HMGCLL1: variants seen among roughly 807,000 people sequenced by gnomAD.
HMGCLL1 encodes 3-hydroxymethyl-3-methylglutaryl-CoA lyase, cytoplasmic.
A neutral mutation model predicts 39.1 loss-of-function variants in HMGCLL1; 36 were observed. The observed-to-expected ratio is 0.92, with a 90% CI of 0.71 to 1.22. The LOEUF (loss-of-function observed/expected upper bound fraction) is 1.22, where lower values mean the gene tolerates loss of function less well. HMGCLL1 is among the 50% of genes most tolerant of loss of function. HMGCLL1 has a pLI of 0.00. For missense variants in HMGCLL1, 451 were observed against 416.5 expected, an observed-to-expected ratio of 1.08 and a Z score of -0.72; for synonymous variants, 149 against 144.0, an observed-to-expected ratio of 1.03 and a Z score of -0.25.
chr6:55,563,924 G>A, intron 1 of HMGCLL1: 1 of 1,257,144 alleles, frequency 8.0e-7, no homozygotes, highest in Non-Finnish European at 1.0e-6. Flanking sequence ...CCTTTGGAGA[G>A]GAGGAATGAG....
At chr6:55,571,702 G>A (rs951578362) in intron 1 of HMGCLL1, among the ~76,000 whole-genome samples, 7 of 151,994 alleles carry the variant, frequency 4.6e-5, no homozygotes, top group East Asian at 1.9e-4. Flanking sequence ...CCAGCTACTC[G>A]GGAGGCTGAG....
At chr6:55,541,657 T>C (rs1561948365) in intron 3 of HMGCLL1, 72 bp downstream of exon 3, 3 of 737,688 alleles carry the variant, frequency 4.1e-6, no homozygotes, top group African/African-American at 1.8e-5. Context: ...CAAGTTAATA[T>C]CACAGTATTT....
At chr6:55,657,092 G>T in the HMGCLL1 span, among the ~76,000 whole-genome samples, 1 of 151,882 alleles carries the variant, frequency 6.6e-6, no homozygotes, top group East Asian at 1.9e-4. Flanking sequence ...ACAGATGCTG[G>T]ATATTATACC....
At chr6:55,523,543 T>A (rs994454329) in intron 3 of HMGCLL1, among the ~76,000 whole-genome samples, 6 of 151,950 alleles carry the variant, frequency 3.9e-5, no homozygotes, top group African/African-American at 1.4e-4. Flanking sequence ...TATATTTTTT[T>A]ATGTACAAAT....
At chr6:55,612,728 T>C in the HMGCLL1 span, among the ~76,000 whole-genome samples, 1 of 152,142 alleles carries the variant, frequency 6.6e-6, no homozygotes, top group Non-Finnish European at 1.5e-5. Context: ...TACATGGTAC[T>C]GGGAAAACTG....
intron 7 of HMGCLL1, among the ~76,000 whole-genome samples, chr6:55,463,287 C>T (rs1764663699): frequency 6.6e-6 from 1 of 152,060 alleles, no homozygotes; most frequent in Admixed American, 6.6e-5. Flanking sequence ...CTACCTCGGC[C>T]TCCCAAAGTC....
At chr6:55,552,863 C>A (rs1333014042) in intron 1 of HMGCLL1, among the ~76,000 whole-genome samples, 1 of 151,762 alleles carries the variant, frequency 6.6e-6, no homozygotes. Flanking sequence ...TGGTATATGC[C>A]GGGCGTGGTG....
At chr6:55,513,146 T>C (rs1035890134) in intron 5 of HMGCLL1, 2 of 152,106 alleles carry the variant, frequency 1.3e-5, no homozygotes, top group African/African-American at 4.8e-5. Flanking sequence ...TGTCACTGGT[T>C]TGCATGTGGC....
chr6:55,474,633 G>T (rs1282741931), intron 7 of HMGCLL1, among the ~76,000 whole-genome samples: 5 of 151,348 alleles, frequency 3.3e-5, no homozygotes, highest in Non-Finnish European at 5.9e-5. Flanking sequence ...GATTCTGAGG[G>T]TTGCTTTGTC....
chr6:55,525,448 T>C (rs1768270181), intron 3 of HMGCLL1, among the ~76,000 whole-genome samples: 1 of 152,004 alleles, frequency 6.6e-6, no homozygotes, highest in African/African-American at 2.4e-5. Context: ...TATGAAAGGA[T>C]AGCATGGGGC....
chr6:55,458,633 G>A lies in HMGCLL1; in HGVS notation c.796-19074C>T, dbSNP rs577629618. The stretch of plus-strand genomic sequence containing the variant: ...CTGTGCTTGGAGTAGAGGGAGTCAT[G>A]AAGACAGTGTTGCAAAGTAATATCA... On this transcript the variant is annotated intron_variant, in intron 7 of 8. Coordinates refer to ENST00000274901, the MANE Select transcript of HMGCLL1 (RefSeq NM_001042406.2). 7.9e-5 allele frequency among the ~76,000 whole-genome samples: 12 copies of A among 152,300 alleles called. 1 individual carries two copies. Among genetic ancestry groups the A allele is most frequent in the Admixed American group, 5.9e-4 (9 of 15,292 alleles).
intron 3 of HMGCLL1, among the ~76,000 whole-genome samples, chr6:55,540,450 GTGTGCTCCC>G (rs373361970): frequency 2.6e-5 from 4 of 152,222 alleles, no homozygotes; most frequent in African/African-American, 9.6e-5. Flanking sequence ...AGAGACATGA[GTGTGCTCCC>G]TGTCTCTGCT....
chr6:55,653,992 G>C, the HMGCLL1 span, among the ~76,000 whole-genome samples: 1 of 152,024 alleles, frequency 6.6e-6, no homozygotes, highest in East Asian at 1.9e-4. Context: ...GGAGATTTCT[G>C]ATGGTAGGAA....
At chr6:55,501,291 T>C (rs539960029) in intron 5 of HMGCLL1, among the ~76,000 whole-genome samples, 1 of 151,992 alleles carries the variant, frequency 6.6e-6, no homozygotes, top group Non-Finnish European at 1.5e-5. Context: ...AGAGACCAAA[T>C]CCTGCCTATT....
intron 7 of HMGCLL1, among the ~76,000 whole-genome samples, chr6:55,465,389 TACATATTATAGATAATA>T (rs2127399270): frequency 6.6e-6 from 1 of 152,206 alleles, no homozygotes; most frequent in East Asian, 1.9e-4. Flanking sequence ...TCAAAGAGAA[TACATATTATAGATAATA>T]AGTCATTTGC....
At chr6:55,652,181 C>T in the HMGCLL1 span, among the ~76,000 whole-genome samples, 1 of 152,046 alleles carries the variant, frequency 6.6e-6, no homozygotes, top group Non-Finnish European at 1.5e-5. Context: ...CATTTTACTC[C>T]ATCCCCTGAA....
At chr6:55,509,697 A>T (rs547455764) in intron 5 of HMGCLL1, among the ~76,000 whole-genome samples, 2 of 151,888 alleles carry the variant, frequency 1.3e-5, no homozygotes, top group East Asian at 3.9e-4. Context: ...TGAATCAGTT[A>T]AAAAAAATAA....
chr6:55,457,429 C>T (rs1023029975), intron 7 of HMGCLL1, among the ~76,000 whole-genome samples: 84 of 152,174 alleles, frequency 5.5e-4, no homozygotes, highest in African/African-American at 1.9e-3. Context: ...GATTTTCCCT[C>T]CCCCCACATT....
intron 5 of HMGCLL1, among the ~76,000 whole-genome samples, chr6:55,501,268 T>C (rs1429782045): frequency 6.6e-6 from 1 of 151,906 alleles, no homozygotes; most frequent in Non-Finnish European, 1.5e-5. Flanking sequence ...CAGAGGTTGG[T>C]ACACTAAGGC....
Sources: gnomAD v4.1 joint callset for allele counts (sites outside exome capture counted in the v4.1 genomes callset) on GRCh38, gnomAD v4.1.1 for gene constraint, MANE v1.5 for transcripts, NCBI Gene and HGNC (gene_info 2026-07-23, HGNC 2026-07-21) for gene names.